Variants in ADAM7 observed in about 807,000 individuals in gnomAD.
ADAM7 encodes the protein ADAM metallopeptidase domain 7.
Under a neutral mutation model 102.9 loss-of-function variants are expected in ADAM7, and 97 were observed. That is an observed-to-expected ratio of 0.94 (90% CI 0.80 to 1.12). ADAM7 has a LOEUF of 1.12. Ranked by LOEUF, ADAM7 falls within the 50% of genes most tolerant of loss-of-function variation. ADAM7 has a pLI of 0.00. For missense variants in ADAM7, 991 were observed against 908.7 expected, an observed-to-expected ratio of 1.09 and a Z score of -1.16; for synonymous variants, 334 against 304.4, an observed-to-expected ratio of 1.10 and a Z score of -1.01.
intron 3 of ADAM7, among the ~76,000 whole-genome samples, chr8:24,449,474 G>T (rs4872237): frequency 0.72 from 108,979 of 152,032 alleles, 39,822 homozygotes; most frequent in African/African-American, 0.8. Context: ...TCTGTTCATG[G>T]CCTTAGCCCA....
intron 9 of ADAM7, among the ~76,000 whole-genome samples, chr8:24,482,554 C>T (rs1819993387): frequency 6.6e-6 from 1 of 152,044 alleles, no homozygotes; most frequent in Non-Finnish European, 1.5e-5. Context: ...TCAAGACCAG[C>T]CCCAGGCAAC....
At chr8:24,444,797 A>G (rs567974840) in intron 2 of ADAM7, among the ~76,000 whole-genome samples, 106 of 152,266 alleles carry the variant, frequency 7.0e-4, no homozygotes, top group East Asian at 1.4e-3. Flanking sequence ...TGAAAGAGTT[A>G]AAGCACATCA....
chr8:24,501,634 A>C (rs1820764312), intron 20 of ADAM7, 58 bp downstream of exon 20: 1 of 1,346,978 alleles, frequency 7.4e-7, no homozygotes, highest in African/African-American at 1.5e-5. Flanking sequence ...TAAGTAGCTG[A>C]ATGTGTTTAA....
intron 2 of ADAM7, among the ~76,000 whole-genome samples, chr8:24,446,941 T>G (rs943546116): frequency 1.3e-5 from 2 of 149,932 alleles, no homozygotes; most frequent in Non-Finnish European, 3.0e-5. Context: ...AGAATAACTA[T>G]ATTTATATTT....
chr8:24,444,861 G>C (rs151157061), intron 2 of ADAM7, among the ~76,000 whole-genome samples: 388 of 152,104 alleles, frequency 2.6e-3, no homozygotes, highest in African/African-American at 8.9e-3. Flanking sequence ...TTATGAATCT[G>C]GGCTTATTCG....
At chr8:24,471,191 A>G (rs1041837786) in intron 7 of ADAM7, among the ~76,000 whole-genome samples, 2 of 152,170 alleles carry the variant, frequency 1.3e-5, no homozygotes, top group African/African-American at 4.8e-5. Context: ...TTGATTTTAA[A>G]CTGATGTCTA....
At chr8:24,490,731 A>T in intron 12 of ADAM7, 68 bp from the exon 13 acceptor site, 1 of 1,468,218 alleles carries the variant, frequency 6.8e-7, no homozygotes, top group Non-Finnish European at 9.4e-7. Context: ...AAGCACAACT[A>T]ATTAATTCTT....
chr8:24,492,748 T>G, intron 15 of ADAM7, 151 bp downstream of exon 15: 1 of 614,296 alleles, frequency 1.6e-6, no homozygotes, highest in Non-Finnish European at 2.8e-6. Flanking sequence ...TGATTAAAAT[T>G]ATGCTAATTC....
At chr8:24,442,847 A>T (rs1818421832) in intron 2 of ADAM7, among the ~76,000 whole-genome samples, 1 of 152,000 alleles carries the variant, frequency 6.6e-6, no homozygotes, top group Non-Finnish European at 1.5e-5. Context: ...TAACAACCTC[A>T]TTTGTTCTGA....
At chr8:24,454,246 GC>G (rs1434830136) in intron 3 of ADAM7, among the ~76,000 whole-genome samples, 4 of 152,234 alleles carry the variant, frequency 2.6e-5, no homozygotes, top group Non-Finnish European at 5.9e-5. Context: ...TCTGTGCCCT[GC>G]CCCCAGAGGT....
At chr8:24,500,952 G>A (rs1415281746) in intron 19 of ADAM7, 57 bp downstream of exon 19, 2 of 1,428,628 alleles carry the variant, frequency 1.4e-6, no homozygotes, top group Admixed American at 1.7e-5. Flanking sequence ...GAATATGTAA[G>A]CTTTGTGGTT....
chr8:24,480,000 A>G (rs927503108), intron 8 of ADAM7, among the ~76,000 whole-genome samples: 1 of 152,116 alleles, frequency 6.6e-6, no homozygotes, highest in Admixed American at 6.6e-5. Context: ...ACTTCTCCCA[A>G]CTGTTTCAAT....
intron 2 of ADAM7, among the ~76,000 whole-genome samples, chr8:24,444,787 T>C (rs1166472404): frequency 6.6e-6 from 1 of 151,950 alleles, no homozygotes; most frequent in Non-Finnish European, 1.5e-5. Context: ...GATCAGATCC[T>C]GAAAGAGTTA....
chr8:24,475,257 T>C (rs988114756), intron 7 of ADAM7, among the ~76,000 whole-genome samples: 2 of 152,176 alleles, frequency 1.3e-5, no homozygotes, highest in Admixed American at 6.5e-5. Context: ...ATCCCTAAAA[T>C]AGCTTCAGAA....
chr8:24,484,780 T>A (rs1416067128), intron 9 of ADAM7, among the ~76,000 whole-genome samples: 1 of 150,756 alleles, frequency 6.6e-6, no homozygotes, highest in Non-Finnish European at 1.5e-5. Flanking sequence ...CTTTCTACAA[T>A]TTCAGTGTAA....
intron 9 of ADAM7, among the ~76,000 whole-genome samples, chr8:24,484,320 T>C (rs1419259463): frequency 6.6e-6 from 1 of 152,206 alleles, no homozygotes; most frequent in Non-Finnish European, 1.5e-5. Context: ...TATCTTGTCT[T>C]TGAGTTCTAT....
At chr8:24,489,838 A>AT (rs1468965006) in intron 12 of ADAM7, among the ~76,000 whole-genome samples, 1 of 152,206 alleles carries the variant, frequency 6.6e-6, no homozygotes, top group African/African-American at 2.4e-5. Context: ...CCTTGAGGCA[A>AT]TTTTTAAAGT....
intron 4 of ADAM7, 60 bp downstream of exon 4, chr8:24,464,020 T>G: frequency 6.9e-7 from 1 of 1,458,416 alleles, no homozygotes; most frequent in Non-Finnish European, 9.6e-7. Flanking sequence ...GATGTGATTT[T>G]GAAACCCTGT....
intron 10 of ADAM7, among the ~76,000 whole-genome samples, chr8:24,485,654 A>G (rs1489103335): frequency 6.6e-6 from 1 of 152,186 alleles, no homozygotes; most frequent in Non-Finnish European, 1.5e-5. Context: ...AGCTACTTAT[A>G]AGGACAAATA....
Sources: gnomAD v4.1 joint callset for allele counts (sites outside exome capture counted in the v4.1 genomes callset) on GRCh38, gnomAD v4.1.1 for gene constraint, MANE v1.5 for transcripts, NCBI Gene and HGNC (gene_info 2026-07-23, HGNC 2026-07-21) for gene names.